SPNS2: variants seen among roughly 807,000 people sequenced by gnomAD.
SPNS2 encodes SPNS lysolipid transporter 2, sphingosine-1-phosphate.
A neutral mutation model predicts 57.6 loss-of-function variants in SPNS2; 37 were observed. That is an observed-to-expected ratio of 0.64 (90% CI 0.49 to 0.85). SPNS2 has a LOEUF of 0.85. Ranked by LOEUF, SPNS2 falls within the 40% of genes least tolerant of loss-of-function variation. The probability of loss-of-function intolerance (pLI) is 0.00; values close to 1 mark genes in which losing one functional copy is unlikely to be tolerated. For missense variants in SPNS2, 831 were observed against 779.1 expected (o/e 1.07, Z -0.79); for synonymous variants, 440 against 346.9 (o/e 1.27, Z -2.98).
chr17:4,532,811 A>T, intron 6 of SPNS2, 127 bp downstream of exon 6: 12 of 1,448,954 alleles, frequency 8.3e-6, no homozygotes, highest in Non-Finnish European at 1.1e-5. Context: ...CAGTGCTGGG[A>T]GGGACATTTT....
rs571027730 is a variant in SPNS2, at chr17:4,530,237, G to C, written c.574-395G>C. Among the ~76,000 whole-genome samples the C allele has an allele frequency of 7.2e-5, 11 of 152,226 alleles. 1 individual carries two copies. The South Asian group carries it at 1.4e-3, about 20-fold the overall frequency. On this transcript the variant is annotated intron_variant, in intron 3 of 12. Coordinates refer to ENST00000329078, the MANE Select transcript of SPNS2 (RefSeq NM_001124758.3). ...CCACCCGGCTTGGGAGAGACACACA[G>C]AGTGGAGGGTGGTGGCTTGAGGCTC...
intron 8 of SPNS2, 40 bp downstream of exon 8, chr17:4,533,472 C>T (rs1001495313): frequency 1.9e-6 from 3 of 1,548,756 alleles, no homozygotes; most frequent in Admixed American, 3.8e-5. Context: ...GGGAGCTGGG[C>T]CTGGGCCGCG....
chr17:4,536,436 G>A lies in SPNS2; in HGVS notation c.1607+10G>A, dbSNP rs200378647. 1.6e-4 allele frequency: 259 copies of A among 1,596,062 alleles called. No homozygotes were observed. The East Asian group carries it at 1.6e-3, about 10-fold the overall frequency. On this transcript the variant is annotated intron_variant, in intron 11 of 12. Transcript: ENST00000329078. ...CCAGGGCTGAGCAGCAGTGAGTGGG[G>A]GGGAGGGGAGGCCCTGCTGCACCGC... is the stretch of plus-strand genomic sequence containing the variant.
intron 8 of SPNS2, 112 bp from the exon 9 acceptor site, chr17:4,533,676 G>A (rs905434998): frequency 3.4e-5 from 43 of 1,255,052 alleles, no homozygotes; most frequent in Non-Finnish European, 4.5e-5. Flanking sequence ...GGGCCCGGGA[G>A]GGGTGTGAGG....
chr17:4,532,463 G>A (rs1052252623), intron 5 of SPNS2, 79 bp from the exon 6 acceptor site: 10 of 1,600,132 alleles, frequency 6.2e-6, no homozygotes, highest in Admixed American at 3.4e-5. Flanking sequence ...AGAAGGCATG[G>A]GCTTGCCTGA....
chr17:4,537,843 T>C lies in SPNS2; in HGVS notation c.*395T>C, dbSNP rs953906625. ...GGCTGGACTTTCCCACACAACTTGCTGGGCAAAGCACGATCTGCAGCTTTG... is the reference window on the plus strand; with the variant it reads ...GGCTGGACTTTCCCACACAACTTGCCGGGCAAAGCACGATCTGCAGCTTTG... On this transcript the variant is annotated 3_prime_UTR_variant, in exon 13 of 13. Transcript: ENST00000329078. 1 of 454,456 alleles carries C rather than the reference T, an allele frequency of 2.2e-6. No individual in the cohort carries two copies. The highest frequency in any genetic ancestry group is 2.0e-5 in the African/African-American group (1 of 50,030). The allele number at this position is 454,456 out of a possible 1,614,324, so 28.2% of individuals were successfully genotyped here.
At position 4,533,227 on chromosome 17, in the gene SPNS2, TCCTCTGTCCCCACAG is replaced by T; in HGVS notation, c.1089-11_1092del. On this transcript the variant is annotated splice_acceptor_variant and splice_polypyrimidine_tract_variant and intron_variant, in intron 7 of 12. Coordinates refer to ENST00000329078, the MANE Select transcript of SPNS2 (RefSeq NM_001124758.3). LOFTEE classifies it high-confidence loss of function. ...AGCCGCCTCAACTCGTGCGCCACCA[TCCTCTGTCCCCACAG>T]CCTCATCTTTGGGGCCATCACCTGC... The T allele has an allele frequency of 6.3e-7, 1 of 1,588,304 alleles. No homozygotes were observed.
At chr17:4,536,518 G>C (rs1217583821) in intron 11 of SPNS2, 92 bp downstream of exon 11, 1 of 1,454,038 alleles carries the variant, frequency 6.9e-7, no homozygotes, top group African/African-American at 1.4e-5. Flanking sequence ...GGGGCGGGGA[G>C]GGTACAGACC....
intron 9 of SPNS2, among the ~76,000 whole-genome samples, chr17:4,535,383 G>A (rs1003057615): frequency 2.0e-5 from 3 of 152,342 alleles, no homozygotes; most frequent in African/African-American, 7.2e-5. Flanking sequence ...TGGTCCTCAG[G>A]GAGGGGAACC....
In SPNS2 at chr17:4,525,150, T is replaced by C; in HGVS notation, c.530T>C (p.Phe177Ser). 6.2e-7 allele frequency: 1 copy of C among 1,614,192 alleles called. No individual in the cohort carries two copies. Among genetic ancestry groups the C allele is most frequent in the East Asian group, 2.2e-5 (1 of 44,886 alleles). The part of the protein sequence containing the change: ...RKVILSCGIF[F>S]WSAVTFSSSF... ...GTGATTCTCAGCTGCGGCATTTTCT[T>C]CTGGTCGGCCGTCACCTTCTCCAGC... is the stretch of plus-strand genomic sequence containing the variant. Residue 177 changes from phenylalanine to serine, a missense_variant, in exon 3 of 13, where the codon TTC (phenylalanine) becomes TCC (serine). By Grantham distance (155) the Phe-to-Ser change is radical. Around this residue, in one of 2 missense-constraint regions of SPNS2, gnomAD observed 305 missense variants for 378.3 expected, o/e 0.81. Coordinates refer to ENST00000329078, the MANE Select transcript of SPNS2 (RefSeq NM_001124758.3).
chr17:4,505,922 G>A lies in SPNS2; in HGVS notation c.370+6505G>A, dbSNP rs571099694. On this transcript the variant is annotated intron_variant, in intron 1 of 12. Coordinates refer to ENST00000329078, the MANE Select transcript of SPNS2 (RefSeq NM_001124758.3). ...TCGTGATTCCTTCCCTGTCAGGCAT[G>A]GGGTTCCTGAATGGGCTTCCAAGAG... 2.6e-5 allele frequency among the ~76,000 whole-genome samples: 4 copies of A among 152,354 alleles called. No homozygotes were observed. The East Asian group carries it at 7.7e-4, about 29-fold the overall frequency.
rs1905208789 is a variant in SPNS2, at chr17:4,524,138, G to A, written c.437-919G>A. Among the ~76,000 whole-genome samples the A allele has an allele frequency of 2.0e-5, 3 of 152,202 alleles. No homozygotes were observed. In the South Asian group the frequency reaches 6.2e-4, roughly 32 times the overall value. ...AATCTGGAGTTCCAGGCCCAGTTCT[G>A]CCTGATTTGCTGTGTGACCTTGCGT... On this transcript the variant is annotated intron_variant, in intron 2 of 12. Coordinates refer to ENST00000329078, the MANE Select transcript of SPNS2 (RefSeq NM_001124758.3).
In SPNS2 at chr17:4,538,955, GC is replaced by G; in HGVS notation, c.*1508del. ...AACTGCTCCTTTATTTTTTAGAGCT[GC>G]TGATTGTGAATCTCAGAGTCTTAAG... is the stretch of plus-strand genomic sequence containing the variant. On this transcript the variant is annotated 3_prime_UTR_variant, in exon 13 of 13. Coordinates refer to ENST00000329078, the MANE Select transcript of SPNS2 (RefSeq NM_001124758.3). 1 of 785,746 alleles carries G rather than the reference GC, an allele frequency of 1.3e-6. No homozygotes were observed. The allele number at this position is 785,746 out of a possible 1,614,324, so 48.7% of individuals were successfully genotyped here.
intron 9 of SPNS2, among the ~76,000 whole-genome samples, chr17:4,535,070 G>A (rs1204543603): frequency 6.8e-6 from 1 of 147,698 alleles, no homozygotes; most frequent in Non-Finnish European, 1.5e-5. Context: ...TGCACACAAT[G>A]CCCACTAAGG....
intron 1 of SPNS2, among the ~76,000 whole-genome samples, chr17:4,505,069 G>A (rs1041908691): frequency 2.6e-5 from 4 of 152,124 alleles, no homozygotes; most frequent in Middle Eastern, 3.2e-3. Flanking sequence ...CCAGGATGCC[G>A]TCTCCAGTGC....
At chr17:4,524,346 G>A (rs1905213034) in intron 2 of SPNS2, among the ~76,000 whole-genome samples, 1 of 152,178 alleles carries the variant, frequency 6.6e-6, no homozygotes, top group Admixed American at 6.5e-5. Context: ...TCTGTGAGGT[G>A]GGAGGGGGCT....
At position 4,536,131 on chromosome 17, in the gene SPNS2, C is replaced by G; in HGVS notation, c.1400C>G (p.Ser467Cys). Residue 467 changes from serine (S) to cysteine (C), a missense_variant, in exon 10 of 13, where the codon TCC (serine) becomes TGC (cysteine). Transcript: ENST00000329078. Reference protein sequence around the residue: ...ATAVALQSFTSHLLGDAGSPY... With the variant: ...ATAVALQSFTCHLLGDAGSPY... ...GCCGTGGCCTTGCAGAGCTTCACCT[C>G]CCACCTGCTGGGGGACGCCGGGAGC... 1 of 1,612,784 alleles carries G rather than the reference C, an allele frequency of 6.2e-7. No individual in the cohort carries two copies. The highest frequency in any genetic ancestry group is 1.7e-5 in the Admixed American group (1 of 59,996).
At position 4,531,021 on chromosome 17, in the gene SPNS2, T is replaced by C. The variant is rs371206666; in HGVS notation, c.726-32T>C. The C allele has an allele frequency of 1.8e-4, 286 of 1,612,538 alleles. 1 individual carries two copies. In the Middle Eastern group the frequency reaches 3.0e-3, roughly 17 times the overall value. ...ACTCCCTGTCCCCAGCCCCTGTCTC[T>C]GCTCAGCCTGACGTGTGTCTCTTCT... is the stretch of plus-strand genomic sequence containing the variant. On this transcript the variant is annotated intron_variant, in intron 4 of 12. Transcript: ENST00000329078.
intron 9 of SPNS2, among the ~76,000 whole-genome samples, chr17:4,534,591 C>T (rs1017843989): frequency 5.9e-5 from 9 of 151,968 alleles, no homozygotes; most frequent in South Asian, 2.1e-4. Flanking sequence ...TGGGACAGCC[C>T]GGGAGATGAG....
Sources: gnomAD v4.1 joint callset for allele counts (sites outside exome capture counted in the v4.1 genomes callset) on GRCh38, gnomAD v4.1.1 for gene constraint, gnomAD v4.1.1 regional missense constraint, MANE v1.5 for transcripts, NCBI Gene and HGNC (gene_info 2026-07-23, HGNC 2026-07-21) for gene names.